MEI1: variants seen among roughly 807,000 people sequenced by gnomAD.
The protein encoded by MEI1 is meiosis inhibitor protein 1.
A neutral mutation model predicts 146.2 loss-of-function variants in MEI1; 103 were observed. The ratio of observed to expected loss-of-function variants is 0.70; its 90% confidence interval spans 0.60 to 0.83. The LOEUF is 0.83. MEI1 is among the 40% of genes least tolerant of loss of function. MEI1 has a pLI of 0.00. For missense variants in MEI1, 1,529 were observed against 1,533.0 expected (o/e 1.00, Z 0.04); for synonymous variants, 652 against 628.2 (o/e 1.04, Z -0.57).
At chr22:41,784,007 C>T (rs540699696) in intron 24 of MEI1, among the ~76,000 whole-genome samples, 1 of 152,312 alleles carries the variant, frequency 6.6e-6, no homozygotes, top group East Asian at 1.9e-4. Flanking sequence ...TTGATTTGGC[C>T]TGTCTGACTC....
intron 5 of MEI1, among the ~76,000 whole-genome samples, chr22:41,716,687 T>A (rs1383610068): frequency 2.5e-4 from 5 of 19,926 alleles, no homozygotes; most frequent in Non-Finnish European, 1.6e-3. Flanking sequence ...CCATTCATTC[T>A]TTTTTTTTTT....
At chr22:41,724,245 C>T (rs1352458746) in intron 7 of MEI1, among the ~76,000 whole-genome samples, 172 bp downstream of exon 7, 2 of 151,970 alleles carry the variant, frequency 1.3e-5, no homozygotes, top group African/African-American at 4.8e-5. Flanking sequence ...CCAGCACTTT[C>T]GGAGGCCTAG....
At chr22:41,735,128 A>AT (rs890118524) in intron 11 of MEI1, among the ~76,000 whole-genome samples, 13 of 145,274 alleles carry the variant, frequency 8.9e-5, no homozygotes, top group South Asian at 6.5e-4. Context: ...CACCTGGCTA[A>AT]TTTTTTTGTA....
intron 17 of MEI1, 142 bp downstream of exon 17, chr22:41,754,188 A>G (rs1289112956): frequency 2.5e-5 from 16 of 631,596 alleles, no homozygotes; most frequent in Middle Eastern, 2.7e-4. Context: ...GAGTGATGCA[A>G]TTATAGGTTG....
chr22:41,776,399 G>T (rs2075438282), intron 21 of MEI1, 132 bp downstream of exon 21: 3 of 988,004 alleles, frequency 3.0e-6, no homozygotes, highest in Non-Finnish European at 2.9e-6. Flanking sequence ...GGCCATTGTG[G>T]CATCAAGCTA....
chr22:41,735,228 T>G (rs907859136), intron 11 of MEI1, among the ~76,000 whole-genome samples: 4 of 103,756 alleles, frequency 3.9e-5, no homozygotes, highest in Admixed American at 9.6e-5. Context: ...TCCCAAAGTG[T>G]TTTTTTTTTT....
At chr22:41,739,001 T>A (rs2072630793) in intron 11 of MEI1, among the ~76,000 whole-genome samples, 1 of 151,566 alleles carries the variant, frequency 6.6e-6, no homozygotes, top group Non-Finnish European at 1.5e-5. Context: ...GGATTTATCA[T>A]GAAAAGGAAT....
At position 41,795,782 on chromosome 22, in the gene MEI1, G is replaced by GC; in HGVS notation, c.3715dup (p.Gln1239ProfsTer10). On this transcript the variant is annotated frameshift_variant, in exon 30 of 31. Coordinates refer to ENST00000401548, the MANE Select transcript of MEI1 (RefSeq NM_152513.4). LOFTEE classifies it high-confidence loss of function. The surrounding 1 kb of genome is among the most constrained non-coding windows in gnomAD (Gnocchi z 4.2). ...CTGACCACAGCATGGCCCAGACCCT[G>GC]CAGGCCTCCTTGGAGGGCCTTCCCC... 6.2e-7 allele frequency: 1 copy of GC among 1,613,758 alleles called. No individual in the cohort carries two copies. The highest frequency in any genetic ancestry group is 1.1e-5 in the South Asian group (1 of 91,084).
chr22:41,795,288 T>A lies in MEI1; in HGVS notation c.3535-123T>A. 1 of 1,378,580 alleles carries A rather than the reference T, an allele frequency of 7.3e-7. No homozygotes were observed. Among genetic ancestry groups the A allele is most frequent in the Non-Finnish European group, 1.0e-6 (1 of 1,002,846 alleles). 85.4% of individuals were successfully genotyped at this position (1,378,580 alleles called of 1,614,324 possible). On this transcript the variant is annotated intron_variant, in intron 28 of 30. Transcript: ENST00000401548. This position sits in a 1 kb window ranked among gnomAD's most constrained non-coding sequence, Gnocchi z 4.2. ...CCTCTGCCCACTAACTCTGAGCTCCTTGAAGGCAGGCAGGTTCTGTGGGCT... is the reference window on the plus strand; with the variant it reads ...CCTCTGCCCACTAACTCTGAGCTCCATGAAGGCAGGCAGGTTCTGTGGGCT...
At chr22:41,699,810 G>A in intron 1 of MEI1, 98 bp downstream of exon 1, 2 of 1,372,090 alleles carry the variant, frequency 1.5e-6, no homozygotes, top group Non-Finnish European at 1.9e-6. Context: ...TGAACCCGAC[G>A]CGAAACCGGG....
chr22:41,713,893 A>G (rs958789717), intron 3 of MEI1, 109 bp from the exon 4 acceptor site: 11 of 866,468 alleles, frequency 1.3e-5, no homozygotes, highest in South Asian at 7.9e-5. Flanking sequence ...TATAATACCA[A>G]TTAGCCCAGG....
chr22:41,758,156 C>G (rs2074219088), intron 17 of MEI1, among the ~76,000 whole-genome samples: 1 of 152,010 alleles, frequency 6.6e-6, no homozygotes, highest in Non-Finnish European at 1.5e-5. Flanking sequence ...TGAGACATAT[C>G]CATGTCCTTC....
intron 5 of MEI1, 80 bp from the exon 6 acceptor site, chr22:41,717,991 T>G (rs1328445015): frequency 1.7e-6 from 2 of 1,163,910 alleles, no homozygotes; most frequent in Non-Finnish European, 1.2e-6. Flanking sequence ...TACTACCCCG[T>G]TAGGAATAAT....
At chr22:41,703,571 A>C in intron 2 of MEI1, 117 bp downstream of exon 2, 3 of 923,650 alleles carry the variant, frequency 3.2e-6, no homozygotes, top group Non-Finnish European at 4.5e-6. Flanking sequence ...GTAATACTTT[A>C]TCAGCAAATT....
At chr22:41,784,925 T>TTTTATTTATTTA (rs139543) in intron 26 of MEI1, 142 bp downstream of exon 26, 19,780 of 327,296 alleles carry the variant, frequency 0.06, 3,676 homozygotes, top group African/African-American at 0.4. Flanking sequence ...ATTATTTTTA[T>TTTTATTTATTTA]TTTATTTATT....
At chr22:41,715,282 G>A (rs1437013157) in intron 4 of MEI1, among the ~76,000 whole-genome samples, 1 of 152,018 alleles carries the variant, frequency 6.6e-6, no homozygotes, top group Non-Finnish European at 1.5e-5. Flanking sequence ...TGACTAGCTA[G>A]TCAATAGAAA....
chr22:41,747,844 C>T (rs1302959480), intron 14 of MEI1, among the ~76,000 whole-genome samples: 5 of 150,952 alleles, frequency 3.3e-5, no homozygotes, highest in Middle Eastern at 3.4e-3. Context: ...AGTTTTTACA[C>T]ACCAGACCAC....
At chr22:41,758,207 C>A (rs1189286291) in intron 17 of MEI1, among the ~76,000 whole-genome samples, 158 bp from the exon 18 acceptor site, 1 of 152,124 alleles carries the variant, frequency 6.6e-6, no homozygotes, top group Non-Finnish European at 1.5e-5. Context: ...TTGAACCTTG[C>A]TCAAAGGAAG....
chr22:41,796,639 A>C (rs899829043), intron 30 of MEI1, among the ~76,000 whole-genome samples: 1 of 152,230 alleles, frequency 6.6e-6, no homozygotes, highest in Non-Finnish European at 1.5e-5. Context: ...TACAGGTGGA[A>C]AATTCCATAC....
Sources: allele counts gnomAD v4.1 joint callset (sites outside exome capture counted in the v4.1 genomes callset), GRCh38; gene constraint gnomAD v4.1.1; non-coding constraint Gnocchi (gnomAD v3.1); transcripts MANE v1.5; gene names NCBI Gene and HGNC (gene_info 2026-07-23, HGNC 2026-07-21).